The following LHFPL6 variants were observed in gnomAD, a reference collection of about 807,000 sequenced individuals.
LHFPL6 encodes LHFPL tetraspan subfamily member 6.
Under a neutral mutation model 20.6 loss-of-function variants are expected in LHFPL6, and 9 were observed. The observed-to-expected ratio is 0.44, with a 90% CI of 0.26 to 0.76. The LOEUF (loss-of-function observed/expected upper bound fraction) is 0.76. Among genes scored for constraint, LHFPL6 ranks in the 30% least tolerant of loss-of-function variants. The probability of loss-of-function intolerance (pLI) is 0.20; values close to 1 mark genes in which losing one functional copy is unlikely to be tolerated. For missense variants in LHFPL6, 218 were observed against 253.5 expected, an observed-to-expected ratio of 0.86 and a Z score of 0.95; for synonymous variants, 105 against 98.7, an observed-to-expected ratio of 1.06 and a Z score of -0.38.
chr13:39,392,943 C>A (rs761496754), intron 2 of LHFPL6, among the ~76,000 whole-genome samples: 3 of 152,124 alleles, frequency 2.0e-5, no homozygotes, highest in Non-Finnish European at 2.9e-5. Context: ...TCACACTGAA[C>A]ACGCAAACTT....
intron 2 of LHFPL6, among the ~76,000 whole-genome samples, chr13:39,566,085 CTTA>C (rs775295267): frequency 2.0e-5 from 3 of 152,096 alleles, no homozygotes; most frequent in Non-Finnish European, 4.4e-5. Context: ...ACCATGTATA[CTTA>C]TTATGGCAAG....
intron 2 of LHFPL6, among the ~76,000 whole-genome samples, chr13:39,399,208 C>A (rs1870921008): frequency 6.6e-6 from 1 of 152,180 alleles, no homozygotes. Context: ...GTTTATTCTG[C>A]TGGCTTCTAT....
chr13:39,461,299 C>G (rs1476844355), intron 2 of LHFPL6, among the ~76,000 whole-genome samples: 1 of 152,064 alleles, frequency 6.6e-6, no homozygotes, highest in Non-Finnish European at 1.5e-5. Context: ...GATGAACACA[C>G]GTGTGCATGT....
intron 2 of LHFPL6, among the ~76,000 whole-genome samples, chr13:39,384,427 T>A (rs552850456): frequency 6.6e-6 from 1 of 152,358 alleles, no homozygotes; most frequent in Admixed American, 6.5e-5. Flanking sequence ...ACTGAAGTAC[T>A]ATTTTGTAAA....
chr13:39,458,555 C>T (rs1254961316), intron 2 of LHFPL6, among the ~76,000 whole-genome samples: 1 of 151,804 alleles, frequency 6.6e-6, no homozygotes, highest in East Asian at 1.9e-4. Flanking sequence ...AAAAATGAAC[C>T]AGTCATGGGG....
At chr13:39,571,457 T>G (rs1303110783) in intron 2 of LHFPL6, among the ~76,000 whole-genome samples, 1 of 152,196 alleles carries the variant, frequency 6.6e-6, no homozygotes, top group Non-Finnish European at 1.5e-5. Flanking sequence ...CGACCTGACT[T>G]CAGGGAGGTG....
At chr13:39,500,143 C>T (rs1312789831) in intron 2 of LHFPL6, among the ~76,000 whole-genome samples, 1 of 152,090 alleles carries the variant, frequency 6.6e-6, no homozygotes, top group East Asian at 1.9e-4. Flanking sequence ...TCTCACTTTC[C>T]AGGTATAAGC....
chr13:39,501,003 C>T (rs2138463714), intron 2 of LHFPL6, among the ~76,000 whole-genome samples: 1 of 152,314 alleles, frequency 6.6e-6, no homozygotes, highest in South Asian at 2.1e-4. Context: ...ATGTGAATTT[C>T]TAACACATTC....
At chr13:39,479,729 G>A (rs761260103) in intron 2 of LHFPL6, among the ~76,000 whole-genome samples, 12 of 152,066 alleles carry the variant, frequency 7.9e-5, no homozygotes, top group Non-Finnish European at 1.3e-4. Context: ...GACTAGAAAG[G>A]GAGCTAGACA....
chr13:39,570,193 A>C (rs529597881), intron 2 of LHFPL6, among the ~76,000 whole-genome samples: 1 of 152,132 alleles, frequency 6.6e-6, no homozygotes, highest in African/African-American at 2.4e-5. Context: ...CCCAGGCTGG[A>C]GTTCAGTGGC....
At chr13:39,438,318 C>T (rs1176676629) in intron 2 of LHFPL6, among the ~76,000 whole-genome samples, 2 of 152,154 alleles carry the variant, frequency 1.3e-5, no homozygotes, top group African/African-American at 4.8e-5. Flanking sequence ...AGTAGCAAAG[C>T]ATTCAAGATG....
chr13:39,358,910 C>T (rs1007436996), intron 3 of LHFPL6, among the ~76,000 whole-genome samples: 2 of 152,248 alleles, frequency 1.3e-5, no homozygotes, highest in East Asian at 1.9e-4. Flanking sequence ...TGGTGGCTCC[C>T]GCCTGTAATC....
At chr13:39,542,967 T>G (rs1397731536) in intron 2 of LHFPL6, among the ~76,000 whole-genome samples, 2 of 152,162 alleles carry the variant, frequency 1.3e-5, no homozygotes, top group Admixed American at 6.5e-5. Flanking sequence ...TCCAGAACTT[T>G]TTCATCTTCC....
chr13:39,553,076 G>A (rs1248365048), intron 2 of LHFPL6, among the ~76,000 whole-genome samples: 2 of 152,136 alleles, frequency 1.3e-5, no homozygotes, highest in Admixed American at 6.5e-5. Context: ...ACCCTGCAAA[G>A]AGCAACCAGA....
At chr13:39,462,520 T>C (rs573763540) in intron 2 of LHFPL6, among the ~76,000 whole-genome samples, 2 of 152,344 alleles carry the variant, frequency 1.3e-5, no homozygotes, top group African/African-American at 4.8e-5. Flanking sequence ...CAAACTCTGT[T>C]ATCCTATCCC....
At chr13:39,424,006 AG>A (rs1566108077) in intron 2 of LHFPL6, among the ~76,000 whole-genome samples, 1 of 152,228 alleles carries the variant, frequency 6.6e-6, no homozygotes, top group Non-Finnish European at 1.5e-5. Flanking sequence ...AGTAAAGGCA[AG>A]GGGAAGGAAG....
intron 2 of LHFPL6, among the ~76,000 whole-genome samples, chr13:39,494,017 T>C (rs1386412785): frequency 1.3e-5 from 2 of 152,232 alleles, no homozygotes; most frequent in African/African-American, 4.8e-5. Context: ...AGTCAAAGAA[T>C]GTTAATCTCA....
intron 2 of LHFPL6, among the ~76,000 whole-genome samples, chr13:39,458,663 C>T (rs1474610406): frequency 6.6e-6 from 1 of 150,704 alleles, no homozygotes; most frequent in Non-Finnish European, 1.5e-5. Context: ...CCACTGCACT[C>T]CAGCCTGGGC....
chr13:39,470,699 A>G (rs1458406052), intron 2 of LHFPL6, among the ~76,000 whole-genome samples: 2 of 152,194 alleles, frequency 1.3e-5, no homozygotes, highest in Non-Finnish European at 2.9e-5. Flanking sequence ...AAAACTACAG[A>G]AAAAAGCCTG....
Sources: allele counts gnomAD v4.1 joint callset (sites outside exome capture counted in the v4.1 genomes callset), GRCh38; gene constraint gnomAD v4.1.1; transcripts MANE v1.5; gene names NCBI Gene and HGNC (gene_info 2026-07-23, HGNC 2026-07-21).